Variants in APC observed in about 807,000 individuals in gnomAD.
The protein encoded by APC is adenomatous polyposis coli protein.
APC carries 72 observed loss-of-function variants against 247.0 expected under a neutral mutation model. That is an observed-to-expected ratio of 0.29 (90% CI 0.24 to 0.35). APC has a LOEUF of 0.35. APC is among the 10% of genes least tolerant of loss of function. The pLI, the probability that APC is intolerant of heterozygous loss-of-function variation, is 1.00. For synonymous variants in APC, 1,254 were observed against 1,162.5 expected (o/e 1.08, Z -1.60); for missense variants, 3,400 against 3,360.7 (o/e 1.01, Z -0.29).
At chr5:112,776,809 C>G (rs1481390708) in intron 5 of APC, among the ~76,000 whole-genome samples, 1 of 151,760 alleles carries the variant, frequency 6.6e-6, no homozygotes, top group African/African-American at 2.4e-5. Context: ...CCACTGCACT[C>G]CATCCAGCCT....
intron 1 of APC, among the ~76,000 whole-genome samples, chr5:112,725,995 A>G (rs541222674): frequency 1.3e-5 from 2 of 152,294 alleles, no homozygotes; most frequent in African/African-American, 4.8e-5. Context: ...AGGATGTGCA[A>G]CAGGGGAGTG....
At chr5:112,782,998 A>T (rs907932570) in intron 6 of APC, among the ~76,000 whole-genome samples, 22 of 152,214 alleles carry the variant, frequency 1.4e-4, no homozygotes, top group African/African-American at 5.3e-4. Context: ...TCAAAAAAAC[A>T]AGTATTACTT....
chr5:112,728,312 A>G (rs1488370374), intron 1 of APC, among the ~76,000 whole-genome samples: 1 of 152,012 alleles, frequency 6.6e-6, no homozygotes, highest in Non-Finnish European at 1.5e-5. Flanking sequence ...TTGTATTTTT[A>G]GTAGAGACGG....
At chr5:112,712,468 C>G (rs1389844383) in intron 1 of APC, among the ~76,000 whole-genome samples, 4 of 152,036 alleles carry the variant, frequency 2.6e-5, no homozygotes, top group Non-Finnish European at 1.5e-5. Context: ...CTCACTGTAA[C>G]CTAGACCTCT....
intron 11 of APC, 91 bp from the exon 12 acceptor site, chr5:112,827,016 GT>G (rs909333377): frequency 5.0e-5 from 63 of 1,260,286 alleles, no homozygotes; most frequent in South Asian, 1.8e-4. Context: ...CATTGATTGA[GT>G]TTTTTTTTCC....
intron 2 of APC, among the ~76,000 whole-genome samples, chr5:112,766,035 G>A (rs895453504): frequency 3.9e-5 from 6 of 152,110 alleles, no homozygotes; most frequent in African/African-American, 1.2e-4. Context: ...TCTGAAAAAT[G>A]AGAATAATTT....
chr5:112,783,765 C>CAAA lies in APC; in HGVS notation c.645+2879_645+2881dup, dbSNP rs77929348. The CAAA allele has an allele frequency of 6.6e-3, 1,315 of 197,918 alleles. 9 individuals are homozygous for CAAA. The highest frequency in any genetic ancestry group is 8.5e-3 in the Non-Finnish European group (923 of 108,704). The allele number at this position is 197,918 out of a possible 1,614,324, so 12.3% of individuals were successfully genotyped here. Reference sequence around the variant, plus strand: ...TGAGCTACAATCTCACCACTGCACTCAAAAAAAAAAAAAAAAAAAGAGAAA... The same window carrying CAAA: ...TGAGCTACAATCTCACCACTGCACTCAAAAAAAAAAAAAAAAAAAAAAGAGAAA... On this transcript the variant is annotated intron_variant, in intron 6 of 15. Transcript: ENST00000257430.
intron 5 of APC, chr5:112,777,684 C>A: frequency 4.6e-6 from 1 of 215,068 alleles, no homozygotes; most frequent in South Asian, 9.5e-5. Flanking sequence ...GTTAGTTTCT[C>A]TTTTATAAGC....
In APC at chr5:112,767,171, T is replaced by G; in HGVS notation, c.221-18T>G. On this transcript the variant is annotated intron_variant, in intron 3 of 15. Transcript: ENST00000257430. ...TTAAAGCAATTGTTGTATAAAAACT[T>G]GTTTCTATTTTATTTAGAGCTTAAC... 6.3e-7 allele frequency: 1 copy of G among 1,589,996 alleles called. No homozygotes were observed. Among genetic ancestry groups the G allele is most frequent in the Non-Finnish European group, 8.6e-7 (1 of 1,158,264 alleles).
chr5:112,797,021 C>T (rs777808868), intron 7 of APC, among the ~76,000 whole-genome samples: 6 of 151,922 alleles, frequency 3.9e-5, no homozygotes, highest in Admixed American at 6.6e-5. Flanking sequence ...TAATAGTAAT[C>T]CTCATTTTCC....
intron 8 of APC, among the ~76,000 whole-genome samples, chr5:112,806,398 A>G (rs1404824944): frequency 3.3e-5 from 5 of 152,182 alleles, no homozygotes; most frequent in African/African-American, 2.4e-5. Context: ...TGGTGTGTGT[A>G]ATATCCCTGC....
chr5:112,804,196 A>G (rs1381911882), intron 8 of APC, among the ~76,000 whole-genome samples: 1 of 152,190 alleles, frequency 6.6e-6, no homozygotes, highest in African/African-American at 2.4e-5. Context: ...GAATAAATAA[A>G]GTACTCTTTG....
At chr5:112,738,207 G>T in intron 1 of APC, 3 of 911,272 alleles carry the variant, frequency 3.3e-6, no homozygotes, top group Non-Finnish European at 3.9e-6. Context: ...GCCAGAAGGG[G>T]TTTTTGTTTT....
chr5:112,746,719 TTAAA>T (rs1753727498), intron 1 of APC, among the ~76,000 whole-genome samples: 1 of 152,220 alleles, frequency 6.6e-6, no homozygotes, highest in Non-Finnish European at 1.5e-5. Flanking sequence ...AGTAAGAATA[TTAAA>T]TAGTGAAATA....
chr5:112,734,644 C>T (rs1205091137), upstream of APC, among the ~76,000 whole-genome samples: 4 of 152,128 alleles, frequency 2.6e-5, no homozygotes, highest in South Asian at 8.3e-4. Flanking sequence ...ATTAAGGCGA[C>T]TGAAAGGAGC....
intron 1 of APC, among the ~76,000 whole-genome samples, chr5:112,753,285 T>G (rs1754580722): frequency 6.6e-6 from 1 of 152,114 alleles, no homozygotes; most frequent in African/African-American, 2.4e-5. Flanking sequence ...GCTGCATTAC[T>G]TCTTCACCCC....
rs1042767849 is a variant in APC at position 112,844,461 on chromosome 5, A to G, written c.*335A>G. ...ACACTACAGATAGAAAATATGATAT[A>G]TTGCTGTTATCAATCATTTCTAGAT... On this transcript the variant is annotated 3_prime_UTR_variant, in exon 16 of 16. Transcript: ENST00000257430. The G allele has an allele frequency of 2.2e-5, 6 of 276,310 alleles. No individual in the cohort carries two copies. The highest frequency in any genetic ancestry group is 3.4e-5 in the Non-Finnish European group (5 of 146,880). 17.1% of individuals were successfully genotyped at this position (276,310 alleles called of 1,614,324 possible).
chr5:112,843,426 C>T lies in APC; in HGVS notation c.7832C>T (p.Thr2611Ile), dbSNP rs587778037. ...SKENQVSAKG[T>I]WRKIKENEFS... is the part of the protein sequence containing the mutation. ...GAAAACCAAGTATCCGCAAAAGGAA[C>T]ATGGAGAAAAATAAAAGAAAATGAA... is the stretch of plus-strand genomic sequence containing the variant. Residue 2611 changes from threonine (T) to isoleucine (I), a missense_variant, in exon 16 of 16, where the codon ACA becomes ATA. Physicochemically the swap from Thr to Ile is moderately conservative, Grantham distance 89. Around this residue, in one of 9 missense-constraint regions of APC, gnomAD observed 1,788 missense variants for 1,649.5 expected, o/e 1.08. Transcript: ENST00000257430. This position sits in a 1 kb window ranked among gnomAD's most constrained non-coding sequence, Gnocchi z 4.8. 11 of 1,613,224 alleles carry T rather than the reference C, an allele frequency of 6.8e-6. No individual in the cohort carries two copies. Among genetic ancestry groups the T allele is most frequent in the East Asian group, 4.5e-5 (2 of 44,870 alleles).
At chr5:112,720,910 A>G (rs1401688560) in intron 1 of APC, among the ~76,000 whole-genome samples, 1 of 152,224 alleles carries the variant, frequency 6.6e-6, no homozygotes, top group Admixed American at 6.5e-5. Context: ...ACCAGGTAAC[A>G]GAGGGAGAGA....
Sources: gnomAD v4.1 joint callset for allele counts (sites outside exome capture counted in the v4.1 genomes callset) on GRCh38, gnomAD v4.1.1 for gene constraint, gnomAD v4.1.1 regional missense constraint, Gnocchi (gnomAD v3.1) non-coding constraint, MANE v1.5 for transcripts, NCBI Gene and HGNC (gene_info 2026-07-23, HGNC 2026-07-21) for gene names.